Variants in PHLDB2 observed in about 807,000 individuals in gnomAD.
PHLDB2 encodes pleckstrin homology-like domain family B member 2.
Under a neutral mutation model 123.6 loss-of-function variants are expected in PHLDB2, and 71 were observed. The observed-to-expected ratio is 0.57, with a 90% CI of 0.47 to 0.70. The LOEUF (loss-of-function observed/expected upper bound fraction) is 0.70. Ranked by LOEUF, PHLDB2 falls within the 30% of genes least tolerant of loss-of-function variation. The pLI is 0.00. For synonymous variants in PHLDB2, 547 were observed against 541.6 expected (o/e 1.01, Z -0.14); for missense variants, 1,446 against 1,519.5 (o/e 0.95, Z 0.80).
Position 111,884,071 on chromosome 3 carries a change from C to G in PHLDB2, c.-7C>G. On this transcript the variant is annotated 5_prime_UTR_variant, in exon 2 of 18. Coordinates refer to ENST00000431670, the MANE Select transcript of PHLDB2 (RefSeq NM_001134438.2). ...TGTTTTATTTCTTTACAGATTCCAGCAAGATTATGGAAGAGCATAGCTACA... is the reference window on the plus strand; with the variant it reads ...TGTTTTATTTCTTTACAGATTCCAGGAAGATTATGGAAGAGCATAGCTACA... The G allele has an allele frequency of 6.3e-7, 1 of 1,595,020 alleles. No individual in the cohort carries two copies. Among genetic ancestry groups the G allele is most frequent in the Non-Finnish European group, 8.5e-7 (1 of 1,173,816 alleles).
intron 5 of PHLDB2, among the ~76,000 whole-genome samples, chr3:111,927,499 G>A (rs1008373258): frequency 2.0e-5 from 3 of 152,190 alleles, no homozygotes; most frequent in African/African-American, 7.2e-5. Context: ...GCTGGGTTCT[G>A]TGCTAAACAG....
At chr3:111,743,061 G>A (rs2059629535) in intron 1 of PHLDB2, among the ~76,000 whole-genome samples, 1 of 152,156 alleles carries the variant, frequency 6.6e-6, no homozygotes, top group Non-Finnish European at 1.5e-5. Context: ...CAAAGGAGTT[G>A]GGGTCCAAGT....
chr3:111,741,613 T>A (rs2059606563), intron 1 of PHLDB2, among the ~76,000 whole-genome samples: 1 of 152,090 alleles, frequency 6.6e-6, no homozygotes, highest in Non-Finnish European at 1.5e-5. Context: ...TTAAATCAGT[T>A]TTGCAACAAG....
chr3:111,887,320 C>T (rs767792662), intron 2 of PHLDB2, among the ~76,000 whole-genome samples: 4 of 151,966 alleles, frequency 2.6e-5, no homozygotes, highest in South Asian at 2.1e-4. Context: ...TAATAGTGGG[C>T]GTATCGTATT....
chr3:111,880,833 G>C (rs749757286), intron 1 of PHLDB2, among the ~76,000 whole-genome samples: 1 of 152,156 alleles, frequency 6.6e-6, no homozygotes, highest in Non-Finnish European at 1.5e-5. Flanking sequence ...AATTTATATG[G>C]TGTCTGGGAA....
intron 1 of PHLDB2, among the ~76,000 whole-genome samples, chr3:111,818,073 A>G (rs930608455): frequency 2.6e-5 from 4 of 152,072 alleles, no homozygotes; most frequent in Admixed American, 2.0e-4. Context: ...GGCCTTTGAT[A>G]TAAGGTTATA....
chr3:111,756,775 A>C (rs2059897845), intron 1 of PHLDB2, among the ~76,000 whole-genome samples: 2 of 152,222 alleles, frequency 1.3e-5, no homozygotes, highest in Non-Finnish European at 2.9e-5. Flanking sequence ...ATGATTTTGC[A>C]GTGGCTGGTA....
intron 4 of PHLDB2, among the ~76,000 whole-genome samples, chr3:111,919,422 A>G (rs2068365218): frequency 6.6e-6 from 1 of 151,794 alleles, no homozygotes; most frequent in Admixed American, 6.6e-5. Context: ...TGAGATAAAC[A>G]TATTAAGCCC....
chr3:111,740,933 GA>G (rs2059593687), intron 1 of PHLDB2, among the ~76,000 whole-genome samples: 1 of 151,078 alleles, frequency 6.6e-6, no homozygotes, highest in Admixed American at 6.6e-5. Flanking sequence ...GGGGAGAGGA[GA>G]GGGGGGAGAA....
At chr3:111,891,817 C>T (rs71315888) in intron 2 of PHLDB2, among the ~76,000 whole-genome samples, 2,629 of 152,162 alleles carry the variant, frequency 0.017, 33 homozygotes, top group Middle Eastern at 0.027. Context: ...TGATGGCCGT[C>T]TAGAGCTTTT....
At chr3:111,882,085 G>A (rs924818677) in intron 1 of PHLDB2, among the ~76,000 whole-genome samples, 12 of 152,000 alleles carry the variant, frequency 7.9e-5, no homozygotes, top group Admixed American at 7.9e-4. Flanking sequence ...GCTATAAAAT[G>A]TACTTCAAAA....
intron 12 of PHLDB2, among the ~76,000 whole-genome samples, chr3:111,955,578 G>A (rs2071002852): frequency 6.6e-6 from 1 of 152,046 alleles, no homozygotes; most frequent in Non-Finnish European, 1.5e-5. Flanking sequence ...AGCCTCTCGA[G>A]TAAGCTGGAA....
At chr3:111,805,738 G>A (rs1272631506) in intron 1 of PHLDB2, among the ~76,000 whole-genome samples, 1 of 148,858 alleles carries the variant, frequency 6.7e-6, no homozygotes, top group Non-Finnish European at 1.5e-5. Context: ...AGTGGTGCCT[G>A]GGGCCAGGGG....
At position 111,884,260 on chromosome 3, in the gene PHLDB2, C is replaced by T. The variant is rs1332873757; in HGVS notation, c.183C>T (p.Thr61=). 1.2e-6 allele frequency: 2 copies of T among 1,614,040 alleles called. No homozygotes were observed. Among genetic ancestry groups the T allele is most frequent in the Non-Finnish European group, 1.7e-6 (2 of 1,180,022 alleles). The part of the protein sequence containing the change: ...ANGDYSGSYL[T]LSQPVPAKRS... ...GAGACTATTCTGGCTCCTATTTAACCCTCTCACAACCTGTGCCTGCAAAGA... is the reference window on the plus strand; with the variant it reads ...GAGACTATTCTGGCTCCTATTTAACTCTCTCACAACCTGTGCCTGCAAAGA... The change falls in exon 2 of 18, where the codon ACC becomes ACT. Residue 61 remains threonine, a synonymous_variant. Transcript: ENST00000431670.
chr3:111,748,808 C>T (rs2107954970), intron 1 of PHLDB2, among the ~76,000 whole-genome samples: 1 of 152,252 alleles, frequency 6.6e-6, no homozygotes, highest in South Asian at 2.1e-4. Context: ...AGGCGTGAGT[C>T]ACTGCACCCA....
intron 10 of PHLDB2, among the ~76,000 whole-genome samples, chr3:111,952,350 A>AT (rs2070767509): frequency 6.6e-6 from 1 of 152,196 alleles, no homozygotes; most frequent in East Asian, 1.9e-4. Context: ...GAAAGGTGGA[A>AT]TTTTTTAAAG....
In PHLDB2 at chr3:111,884,289, GC is replaced by G; in HGVS notation, c.215del (p.Pro72LeufsTer14). On this transcript the variant is annotated frameshift_variant, in exon 2 of 18. Transcript: ENST00000431670. LOFTEE classifies it high-confidence loss of function. ...TLSQPVPAKR[S>X]PSPLGTSVRS... ...TCACAACCTGTGCCTGCAAAGAGAA[GC>G]CCTTCTCCTTTGGGAACCAGTGTCA... 1 of 1,614,188 alleles carries G rather than the reference GC, an allele frequency of 6.2e-7. No homozygotes were observed. The highest frequency in any genetic ancestry group is 8.5e-7 in the Non-Finnish European group (1 of 1,180,024).
chr3:111,861,394 C>T (rs2064830462), intron 1 of PHLDB2, among the ~76,000 whole-genome samples: 1 of 152,176 alleles, frequency 6.6e-6, no homozygotes, highest in Admixed American at 6.5e-5. Flanking sequence ...GTTACCAAAC[C>T]ATTTATAACT....
intron 1 of PHLDB2, among the ~76,000 whole-genome samples, chr3:111,792,082 TC>T (rs1351163824): frequency 6.6e-6 from 1 of 152,232 alleles, no homozygotes; most frequent in Non-Finnish European, 1.5e-5. Flanking sequence ...ACAATGTTTG[TC>T]TATATGCTCT....
Sources: gnomAD v4.1 joint callset for allele counts (sites outside exome capture counted in the v4.1 genomes callset) on GRCh38, gnomAD v4.1.1 for gene constraint, MANE v1.5 for transcripts, NCBI Gene and HGNC (gene_info 2026-07-23, HGNC 2026-07-21) for gene names.